GRID2: variants seen among roughly 807,000 people sequenced by gnomAD.
GRID2 encodes glutamate ionotropic receptor delta type subunit 2, also known as glutamate receptor ionotropic, delta-2.
In GRID2, 33 loss-of-function variants were observed where a neutral mutation model predicts 114.8. The observed-to-expected ratio is 0.29, with a 90% CI of 0.22 to 0.38. GRID2 has a LOEUF of 0.38. Ranked by LOEUF, GRID2 falls within the 10% of genes least tolerant of loss-of-function variation. The probability of loss-of-function intolerance (pLI) is 1.00; values close to 1 mark genes in which losing one functional copy is unlikely to be tolerated. For missense variants in GRID2, 1,184 were observed against 1,257.7 expected, an observed-to-expected ratio of 0.94 and a Z score of 0.89; for synonymous variants, 505 against 449.9, an observed-to-expected ratio of 1.12 and a Z score of -1.55.
chr4:93,478,907 A>T (rs1191095913), intron 11 of GRID2, among the ~76,000 whole-genome samples: 2 of 152,132 alleles, frequency 1.3e-5, no homozygotes, highest in Non-Finnish European at 2.9e-5. Flanking sequence ...GCTTATTTGC[A>T]AATAGACCTA....
chr4:93,565,732 C>T (rs956522338), intron 13 of GRID2, among the ~76,000 whole-genome samples: 14 of 152,150 alleles, frequency 9.2e-5, no homozygotes, highest in Non-Finnish European at 1.8e-4. Flanking sequence ...ATACGTCTAA[C>T]CTCTTTCTTC....
chr4:93,509,929 G>A (rs372789054), intron 12 of GRID2, among the ~76,000 whole-genome samples: 1 of 152,186 alleles, frequency 6.6e-6, no homozygotes, highest in Non-Finnish European at 1.5e-5. Flanking sequence ...CAGGCAGGCT[G>A]TTTACATGGT....
intron 2 of GRID2, among the ~76,000 whole-genome samples, chr4:92,805,576 A>G (rs1362544239): frequency 6.6e-6 from 1 of 152,046 alleles, no homozygotes; most frequent in Non-Finnish European, 1.5e-5. Context: ...CGTTTGGGAA[A>G]TTCTGAATTT....
At chr4:93,423,273 A>ATAT (rs1184560918) in intron 10 of GRID2, among the ~76,000 whole-genome samples, 1 of 150,540 alleles carries the variant, frequency 6.6e-6, no homozygotes, top group Non-Finnish European at 1.5e-5. Context: ...CAGAAAGTGT[A>ATAT]TATGATACGT....
At chr4:93,761,938 T>A (rs918502325) in intron 14 of GRID2, among the ~76,000 whole-genome samples, 1 of 152,186 alleles carries the variant, frequency 6.6e-6, no homozygotes, top group African/African-American at 2.4e-5. Context: ...GATATGCCAA[T>A]CAAAGTGCCA....
At chr4:92,481,630 A>T (rs750637899) in intron 1 of GRID2, among the ~76,000 whole-genome samples, 1 of 152,056 alleles carries the variant, frequency 6.6e-6, no homozygotes, top group Non-Finnish European at 1.5e-5. Context: ...GATTAAAGTT[A>T]GGTAGTGTGA....
At chr4:93,070,261 G>T (rs548573144) in intron 2 of GRID2, among the ~76,000 whole-genome samples, 3 of 152,034 alleles carry the variant, frequency 2.0e-5, no homozygotes, top group African/African-American at 7.2e-5. Flanking sequence ...CTGCTAGCAG[G>T]GGCCAAGCTA....
Position 93,769,284 on chromosome 4 carries a change from AC to A in GRID2, c.2437del (p.Leu813CysfsTer16). 1 of 1,614,044 alleles carries A rather than the reference AC, an allele frequency of 6.2e-7. No homozygotes were observed. The highest frequency in any genetic ancestry group is 8.5e-7 in the Non-Finnish European group (1 of 1,179,888). On this transcript the variant is annotated frameshift_variant, in exon 15 of 16. Coordinates refer to ENST00000282020, the MANE Select transcript of GRID2 (RefSeq NM_001510.4). LOFTEE classifies it high-confidence loss of function. ...TGGTGGCCTAAGAATGGCCAGTGTG[AC>A]CTGTACTCGTCAGTGGACACAAAGC... ...HKWWPKNGQCDLYSSVDTKQK... is the reference protein window; with the variant it reads ...HKWWPKNGQCXLYSSVDTKQK...
intron 1 of GRID2, among the ~76,000 whole-genome samples, chr4:92,567,855 C>A (rs1579594946): frequency 6.6e-6 from 1 of 152,028 alleles, no homozygotes; most frequent in East Asian, 1.9e-4. Flanking sequence ...GAACACATTT[C>A]TTTGCATTGG....
rs143723000 is a variant in GRID2, at chr4:92,590,027, G to A, written c.89-104G>A. The A allele has an allele frequency of 6.8e-6, 5 of 737,648 alleles. No individual in the cohort carries two copies. The Admixed American group carries it at 9.6e-5, about 14-fold the overall frequency. The allele number at this position is 737,648 out of a possible 1,614,324, so 45.7% of individuals were successfully genotyped here. On this transcript the variant is annotated intron_variant, in intron 1 of 15. Coordinates refer to ENST00000282020, the MANE Select transcript of GRID2 (RefSeq NM_001510.4). ...AATAAATAAAGTGCATGCTCTAAGT[G>A]AAAGTATATGTTTTTTAAACACATA...
chr4:92,386,753 ATACT>A (rs1430579489), intron 1 of GRID2, among the ~76,000 whole-genome samples: 6 of 151,874 alleles, frequency 4.0e-5, no homozygotes, highest in Non-Finnish European at 8.8e-5. Flanking sequence ...TGGCTTCATG[ATACT>A]TATTTATTGA....
intron 1 of GRID2, among the ~76,000 whole-genome samples, chr4:92,375,381 C>T (rs1439660318): frequency 1.3e-5 from 2 of 152,046 alleles, no homozygotes; most frequent in Non-Finnish European, 2.9e-5. Context: ...TTATTCATTG[C>T]ATCTTGTGAC....
chr4:92,645,030 CAT>C (rs1280842406), intron 2 of GRID2, among the ~76,000 whole-genome samples: 1 of 151,338 alleles, frequency 6.6e-6, no homozygotes, highest in Non-Finnish European at 1.5e-5. Context: ...TAGCTTCTAA[CAT>C]AAACATAATT....
rs573601796 is a variant in GRID2 at position 92,949,894 on chromosome 4, C to G, written c.245-135101C>G. Among the ~76,000 whole-genome samples, 3 of 152,130 alleles carry G rather than the reference C, an allele frequency of 2.0e-5. No homozygotes were observed. In the South Asian group the frequency reaches 6.2e-4, roughly 32 times the overall value. On this transcript the variant is annotated intron_variant, in intron 2 of 15. Coordinates refer to ENST00000282020, the MANE Select transcript of GRID2 (RefSeq NM_001510.4). ...AGGATCTAATGAGATCAGCCAGCTA[C>G]AGATAAACAAACTGATGCTGAACCT...
chr4:93,370,588 G>C (rs903033493), intron 8 of GRID2, among the ~76,000 whole-genome samples: 1 of 151,968 alleles, frequency 6.6e-6, no homozygotes, highest in Non-Finnish European at 1.5e-5. Flanking sequence ...ATTTGCTCAT[G>C]TTATTTTTTG....
At chr4:93,648,623 A>G (rs1722320487) in intron 14 of GRID2, among the ~76,000 whole-genome samples, 1 of 152,164 alleles carries the variant, frequency 6.6e-6, no homozygotes, top group Non-Finnish European at 1.5e-5. Flanking sequence ...AAGCATCAGG[A>G]TCACCTGAAC....
chr4:93,276,303 A>C (rs1179180697), intron 8 of GRID2, among the ~76,000 whole-genome samples: 1 of 152,044 alleles, frequency 6.6e-6, no homozygotes, highest in African/African-American at 2.4e-5. Flanking sequence ...CAATTTCATC[A>C]GTACATATCT....
intron 2 of GRID2, among the ~76,000 whole-genome samples, chr4:93,079,793 T>C (rs952483850): frequency 6.6e-6 from 1 of 152,122 alleles, no homozygotes. Context: ...AAGGTTCACG[T>C]TGGCTTTAGA....
intron 2 of GRID2, among the ~76,000 whole-genome samples, chr4:92,912,057 T>A (rs1351714831): frequency 6.6e-6 from 1 of 151,886 alleles, no homozygotes; most frequent in Non-Finnish European, 1.5e-5. Flanking sequence ...GAAGATAATA[T>A]TTTTATGTTA....
Sources: allele counts gnomAD v4.1 joint callset (sites outside exome capture counted in the v4.1 genomes callset), GRCh38; gene constraint gnomAD v4.1.1; transcripts MANE v1.5; gene names NCBI Gene and HGNC (gene_info 2026-07-23, HGNC 2026-07-21).